Variants in FRAS1 observed in about 807,000 individuals in gnomAD.
The protein encoded by FRAS1 is Fraser extracellular matrix complex subunit 1, also known as extracellular matrix organizing protein FRAS1.
In FRAS1, 290 loss-of-function variants were observed where a neutral mutation model predicts 435.2. The ratio of observed to expected loss-of-function variants is 0.67; its 90% CI spans 0.61 to 0.73. The LOEUF (loss-of-function observed/expected upper bound fraction) is 0.73. FRAS1 is among the 30% of genes least tolerant of loss of function. The pLI, the probability that FRAS1 is intolerant of heterozygous loss-of-function variation, is 0.00. For missense variants in FRAS1, 4,860 were observed against 5,001.5 expected (o/e 0.97, Z 0.85); for synonymous variants, 1,800 against 1,851.0 (o/e 0.97, Z 0.71).
chr4:78,272,572 A>T (rs1726763792), intron 9 of FRAS1, among the ~76,000 whole-genome samples: 1 of 152,054 alleles, frequency 6.6e-6, no homozygotes, highest in African/African-American at 2.4e-5. Flanking sequence ...ATAGGGAATC[A>T]TTTCCCCGTT....
chr4:78,528,962 G>T (rs917912448), intron 70 of FRAS1, among the ~76,000 whole-genome samples: 3 of 152,122 alleles, frequency 2.0e-5, no homozygotes, highest in African/African-American at 7.2e-5. Context: ...GAGTAATTAA[G>T]AAGTGGGAGG....
At chr4:78,504,880 A>G (rs1274667362) in intron 61 of FRAS1, among the ~76,000 whole-genome samples, 1 of 152,090 alleles carries the variant, frequency 6.6e-6, no homozygotes, top group Non-Finnish European at 1.5e-5. Context: ...TCCTTTCCAT[A>G]TTTAGTGCTT....
intron 14 of FRAS1, among the ~76,000 whole-genome samples, 166 bp from the exon 15 acceptor site, chr4:78,307,897 TGAA>T (rs1728852720): frequency 6.6e-6 from 1 of 152,172 alleles, no homozygotes; most frequent in Non-Finnish European, 1.5e-5. Context: ...AACGGTTTCT[TGAA>T]GAAGAGGGTG....
chr4:78,112,856 T>C (rs1429658372), intron 2 of FRAS1, among the ~76,000 whole-genome samples: 2 of 152,190 alleles, frequency 1.3e-5, no homozygotes, highest in Admixed American at 6.5e-5. Context: ...CTTTAAGTTT[T>C]AGGGTACATG....
At position 78,379,714 on chromosome 4, in the gene FRAS1, T is replaced by C. The variant is rs915558424; in HGVS notation, c.3293-12T>C. 2 of 1,603,728 alleles carry C rather than the reference T, an allele frequency of 1.2e-6. No individual in the cohort carries two copies. Among genetic ancestry groups the C allele is most frequent in the African/African-American group, 1.3e-5 (1 of 74,530 alleles). On this transcript the variant is annotated splice_polypyrimidine_tract_variant and intron_variant, in intron 26 of 73. Transcript: ENST00000512123. ...ACCATAAGCTTGACCTTTGGATTCA[T>C]ATGTTTTTCAGGCAAAATACACACC...
intron 3 of FRAS1, among the ~76,000 whole-genome samples, chr4:78,244,438 A>C (rs1725143242): frequency 6.6e-6 from 1 of 152,168 alleles, no homozygotes; most frequent in African/African-American, 2.4e-5. Context: ...GAAAATCCTA[A>C]GTAGAGGAGC....
intron 2 of FRAS1, among the ~76,000 whole-genome samples, chr4:78,178,144 T>C (rs924323476): frequency 6.6e-6 from 1 of 152,208 alleles, no homozygotes; most frequent in South Asian, 2.1e-4. Context: ...TCTCTGTCTC[T>C]GTCTTCTTGT....
intron 2 of FRAS1, among the ~76,000 whole-genome samples, chr4:78,100,499 G>A (rs1278154117): frequency 6.6e-6 from 1 of 152,228 alleles, no homozygotes; most frequent in Non-Finnish European, 1.5e-5. Flanking sequence ...ATCAGAGTGA[G>A]CTCTTTTGCT....
intron 2 of FRAS1, among the ~76,000 whole-genome samples, chr4:78,135,717 G>A (rs745957461): frequency 3.3e-5 from 5 of 152,112 alleles, no homozygotes; most frequent in Admixed American, 1.3e-4. Flanking sequence ...AATATCTCAA[G>A]TACAGCACTA....
At chr4:78,195,128 C>T (rs561292142) in intron 2 of FRAS1, among the ~76,000 whole-genome samples, 23 of 152,254 alleles carry the variant, frequency 1.5e-4, no homozygotes, top group South Asian at 2.1e-4. Flanking sequence ...ATCGTTCCTC[C>T]GGAAGTTTTG....
chr4:78,468,469 T>G lies in FRAS1; in HGVS notation c.7258-1509T>G, dbSNP rs114283882. Among the ~76,000 whole-genome samples the G allele has an allele frequency of 4.2e-3, 534 of 126,560 alleles. 3 individuals carry two copies. The highest frequency in any genetic ancestry group is 0.013 in the African/African-American group (498 of 38,378). The allele number at this position is 126,560 out of a possible 152,430, so 83.0% of individuals were successfully genotyped here. Reference sequence around the variant, plus strand: ...TGCCTGGCACACAGGGAACATCAGATAAACTGAAGCTGTAAACATCATCAT... The same window carrying G: ...TGCCTGGCACACAGGGAACATCAGAGAAACTGAAGCTGTAAACATCATCAT... On this transcript the variant is annotated intron_variant, in intron 50 of 73. Coordinates refer to ENST00000512123, the MANE Select transcript of FRAS1 (RefSeq NM_025074.7).
chr4:78,517,971 G>A (rs534523926), intron 66 of FRAS1, among the ~76,000 whole-genome samples: 1 of 152,040 alleles, frequency 6.6e-6, no homozygotes, highest in African/African-American at 2.4e-5. Flanking sequence ...AAAAAGAGGG[G>A]CTGGGAACAG....
At chr4:78,141,306 T>C (rs1043989570) in intron 2 of FRAS1, among the ~76,000 whole-genome samples, 4 of 152,204 alleles carry the variant, frequency 2.6e-5, no homozygotes, top group African/African-American at 4.8e-5. Context: ...ACTATCCTTG[T>C]CACCTTTATT....
At chr4:78,264,340 T>C (rs1726250879) in intron 6 of FRAS1, among the ~76,000 whole-genome samples, 1 of 152,138 alleles carries the variant, frequency 6.6e-6, no homozygotes, top group South Asian at 2.1e-4. Context: ...TCTTTGGGCA[T>C]TTAATCTGTC....
chr4:78,069,905 T>G (rs1005634736), intron 2 of FRAS1, among the ~76,000 whole-genome samples: 1 of 152,122 alleles, frequency 6.6e-6, no homozygotes, highest in Non-Finnish European at 1.5e-5. Flanking sequence ...CTGGTTCTTA[T>G]TCTTAAGTCA....
intron 61 of FRAS1, among the ~76,000 whole-genome samples, chr4:78,500,759 C>T (rs1383871208): frequency 6.6e-6 from 1 of 152,144 alleles, no homozygotes; most frequent in Non-Finnish European, 1.5e-5. Flanking sequence ...CCATCTGTGT[C>T]TGACTGATGT....
chr4:78,360,506 G>T (rs1361814790), intron 20 of FRAS1, among the ~76,000 whole-genome samples: 1 of 152,128 alleles, frequency 6.6e-6, no homozygotes, highest in Non-Finnish European at 1.5e-5. Context: ...TTGAAAATTG[G>T]ATCAAGAATA....
At chr4:78,101,413 T>C (rs1260218171) in intron 2 of FRAS1, among the ~76,000 whole-genome samples, 1 of 152,210 alleles carries the variant, frequency 6.6e-6, no homozygotes, top group African/African-American at 2.4e-5. Context: ...GTTGTAGCAG[T>C]CAAAAATGCA....
chr4:78,496,325 G>A (rs1261147254), intron 59 of FRAS1, among the ~76,000 whole-genome samples: 1 of 152,136 alleles, frequency 6.6e-6, no homozygotes, highest in East Asian at 1.9e-4. Flanking sequence ...GGTATCTTTA[G>A]CCTAACGCAA....
Sources: allele counts gnomAD v4.1 joint callset (sites outside exome capture counted in the v4.1 genomes callset), GRCh38; gene constraint gnomAD v4.1.1; transcripts MANE v1.5; gene names NCBI Gene and HGNC (gene_info 2026-07-23, HGNC 2026-07-21).